Variants in BBX observed in about 807,000 individuals in gnomAD.
BBX encodes HMG box transcription factor BBX.
In BBX, 30 loss-of-function variants were observed where a neutral mutation model predicts 100.2. The ratio of observed to expected loss-of-function variants is 0.30; its 90% confidence interval spans 0.22 to 0.41. The LOEUF (loss-of-function observed/expected upper bound fraction) is 0.41. BBX is among the 10% of genes least tolerant of loss of function. BBX has a pLI of 1.00. For synonymous variants in BBX, 376 were observed against 388.1 expected (o/e 0.97, Z 0.37); for missense variants, 1,023 against 1,129.8 (o/e 0.91, Z 1.35).
chr3:107,579,805 A>G (rs143398559), intron 2 of BBX, among the ~76,000 whole-genome samples: 35 of 152,254 alleles, frequency 2.3e-4, no homozygotes, highest in South Asian at 6.2e-4. Context: ...TTTTTACCAT[A>G]TCGGTCTTCA....
At chr3:107,764,920 G>A (rs540537315) in intron 10 of BBX, among the ~76,000 whole-genome samples, 2 of 152,320 alleles carry the variant, frequency 1.3e-5, no homozygotes, top group East Asian at 3.9e-4. Context: ...GTGTTGATGA[G>A]TGCATCCAAA....
chr3:107,796,036 GGT>G (rs2069622378), intron 15 of BBX, among the ~76,000 whole-genome samples: 1 of 152,108 alleles, frequency 6.6e-6, no homozygotes. Context: ...GATCTCTGAT[GGT>G]AGCCTATGTA....
In BBX at chr3:107,705,895, C is replaced by CT. The variant is rs1176799486; in HGVS notation, c.-9-4548dup. Among the ~76,000 whole-genome samples, 27 of 151,188 alleles carry CT rather than the reference C, an allele frequency of 1.8e-4. No individual in the cohort carries two copies. In the East Asian group the frequency reaches 3.3e-3, roughly 18 times the overall value. On this transcript the variant is annotated intron_variant, in intron 3 of 17. Transcript: ENST00000325805. Reference sequence around the variant, plus strand: ...AGGAAGCCTATCAGGCTCCAGTGTCCTTTTTTTTTCTTCTTCTTTTAATAA... The same window carrying CT: ...AGGAAGCCTATCAGGCTCCAGTGTCCTTTTTTTTTTCTTCTTCTTTTAATAA...
intron 14 of BBX, among the ~76,000 whole-genome samples, chr3:107,790,385 C>G (rs563195490): frequency 1.3e-5 from 2 of 152,112 alleles, no homozygotes; most frequent in Non-Finnish European, 2.9e-5. Context: ...TTCCACCCCC[C>G]CTCGTTTGCC....
chr3:107,699,123 G>A (rs1320150456), intron 3 of BBX, among the ~76,000 whole-genome samples: 5 of 151,820 alleles, frequency 3.3e-5, no homozygotes, highest in African/African-American at 1.2e-4. Context: ...TCACAGTTGA[G>A]TGTGATATAA....
chr3:107,683,408 A>G (rs545133534), intron 3 of BBX, among the ~76,000 whole-genome samples: 260 of 152,258 alleles, frequency 1.7e-3, no homozygotes, highest in Non-Finnish European at 2.8e-3. Context: ...TGGGAAGCAT[A>G]GTTTTCTTTT....
intron 2 of BBX, among the ~76,000 whole-genome samples, chr3:107,586,316 G>T (rs1162220479): frequency 6.6e-6 from 1 of 152,104 alleles, no homozygotes. Flanking sequence ...GCAGTTTGTT[G>T]TACATACGTA....
chr3:107,590,922 G>A (rs1010392764), intron 2 of BBX, among the ~76,000 whole-genome samples: 1 of 152,250 alleles, frequency 6.6e-6, no homozygotes, highest in African/African-American at 2.4e-5. Context: ...GGCAGCACAA[G>A]TTGCATGTGG....
At chr3:107,721,359 TTTTTG>T (rs149888364) in intron 5 of BBX, among the ~76,000 whole-genome samples, 2,656 of 152,022 alleles carry the variant, frequency 0.017, 73 homozygotes, top group African/African-American at 0.061. Flanking sequence ...GTTGTTTTGT[TTTTTG>T]TTTTGTTTTG....
chr3:107,657,553 A>G (rs1385459317), intron 3 of BBX, among the ~76,000 whole-genome samples: 1 of 152,164 alleles, frequency 6.6e-6, no homozygotes, highest in Non-Finnish European at 1.5e-5. Context: ...AGAGGGACAG[A>G]GAGGTTAGGA....
intron 2 of BBX, among the ~76,000 whole-genome samples, chr3:107,623,126 T>G (rs1046042889): frequency 1.3e-5 from 2 of 152,194 alleles, no homozygotes; most frequent in African/African-American, 4.8e-5. Flanking sequence ...ACGCAGTGCT[T>G]TGTTTTTGGT....
At chr3:107,708,512 A>G (rs2061518002) in intron 3 of BBX, among the ~76,000 whole-genome samples, 2 of 152,180 alleles carry the variant, frequency 1.3e-5, no homozygotes, top group East Asian at 3.9e-4. Context: ...CGTCTCTACT[A>G]AAAATGCAAA....
chr3:107,586,895 C>T lies in BBX; in HGVS notation c.-83-58941C>T, dbSNP rs898094678. ...CCTCTGGAGTAGCTGGGACTACAGA[C>T]GCATGCCACCATGTCCAGCTAATTT... On this transcript the variant is annotated intron_variant, in intron 2 of 17. Transcript: ENST00000325805. Among the ~76,000 whole-genome samples the T allele has an allele frequency of 2.0e-5, 3 of 151,914 alleles. No individual in the cohort carries two copies. In the South Asian group the frequency reaches 6.2e-4, roughly 32 times the overall value.
At chr3:107,529,014 C>T (rs1255630464) in intron 2 of BBX, among the ~76,000 whole-genome samples, 2 of 152,120 alleles carry the variant, frequency 1.3e-5, no homozygotes, top group African/African-American at 4.8e-5. Flanking sequence ...GGCTTCACAG[C>T]TCTATACTAC....
intron 2 of BBX, among the ~76,000 whole-genome samples, chr3:107,566,177 A>G (rs2050897367): frequency 8.6e-6 from 1 of 115,752 alleles, no homozygotes; most frequent in Non-Finnish European, 2.0e-5. Flanking sequence ...CTCTGTCTCA[A>G]AAAAAAAAAA....
chr3:107,644,787 T>C (rs1030703932), intron 2 of BBX, among the ~76,000 whole-genome samples: 1 of 152,202 alleles, frequency 6.6e-6, no homozygotes, highest in Non-Finnish European at 1.5e-5. Context: ...CAATTAATAC[T>C]TTATTCATTC....
chr3:107,544,836 T>C (rs2107382889), intron 2 of BBX, among the ~76,000 whole-genome samples: 1 of 143,200 alleles, frequency 7.0e-6, no homozygotes, highest in East Asian at 2.0e-4. Context: ...AAACCCTGTC[T>C]CTACTAAAAA....
chr3:107,662,341 C>T (rs2058493668), intron 3 of BBX, among the ~76,000 whole-genome samples: 1 of 152,110 alleles, frequency 6.6e-6, no homozygotes, highest in South Asian at 2.1e-4. Flanking sequence ...GAGTGAATCC[C>T]TGACGGTGGC....
chr3:107,542,994 C>T (rs1171131127), intron 2 of BBX, among the ~76,000 whole-genome samples: 2 of 152,116 alleles, frequency 1.3e-5, no homozygotes, highest in East Asian at 1.9e-4. Flanking sequence ...AGTTGCTCCT[C>T]AGTAGCTTAT....
Sources: allele counts gnomAD v4.1 joint callset (sites outside exome capture counted in the v4.1 genomes callset), GRCh38; gene constraint gnomAD v4.1.1; transcripts MANE v1.5; gene names NCBI Gene and HGNC (gene_info 2026-07-23, HGNC 2026-07-21).